PLCE1: variants seen among roughly 807,000 people sequenced by gnomAD.
PLCE1 encodes 1-phosphatidylinositol 4,5-bisphosphate phosphodiesterase epsilon-1.
In PLCE1, 119 loss-of-function variants were observed where a neutral mutation model predicts 242.8. The ratio of observed to expected loss-of-function variants is 0.49; its 90% CI spans 0.42 to 0.57. PLCE1 has a LOEUF of 0.57. PLCE1 is among the 20% of genes least tolerant of loss of function. The pLI is 0.00. For synonymous variants in PLCE1, 945 were observed against 1,017.4 expected (o/e 0.93, Z 1.35); for missense variants, 2,441 against 2,788.8 (o/e 0.88, Z 2.81).
intron 1 of PLCE1, among the ~76,000 whole-genome samples, chr10:93,995,847 A>G (rs2060809105): frequency 6.6e-6 from 1 of 152,178 alleles, no homozygotes; most frequent in Non-Finnish European, 1.5e-5. Context: ...TCCATACTCC[A>G]GTGGGTTAGA....
chr10:94,074,163 C>T (rs1349681164), intron 2 of PLCE1, among the ~76,000 whole-genome samples: 6 of 149,046 alleles, frequency 4.0e-5, no homozygotes, highest in Non-Finnish European at 8.9e-5. Flanking sequence ...AAATTTTTTT[C>T]ATAATGTATC....
intron 2 of PLCE1, among the ~76,000 whole-genome samples, chr10:94,069,538 G>A (rs1480471113): frequency 6.6e-6 from 1 of 152,138 alleles, no homozygotes; most frequent in Non-Finnish European, 1.5e-5. Flanking sequence ...ACTTGAACTT[G>A]GGAGGCAGAA....
At position 94,279,903 on chromosome 10, in the gene PLCE1, T is replaced by C. The variant is rs1319983314; in HGVS notation, c.4787T>C (p.Leu1596Pro). ...EDEYDYDYES[L>P]SDDNILEDRP... The stretch of plus-strand genomic sequence containing the variant: ...GAATATGATTATGACTATGAATCCC[T>C]TTCTGATGGTAAGAGAAACAGATCC... Residue 1596 changes from leucine to proline, a missense_variant, in exon 20 of 33, where the codon CTT becomes CCT. This residue lies in a region of PLCE1 where 1,004 missense variants were observed against 1,322.7 expected (regional missense o/e 0.76). Coordinates refer to ENST00000371380, the MANE Select transcript of PLCE1 (RefSeq NM_016341.4). 1 of 1,613,694 alleles carries C rather than the reference T, an allele frequency of 6.2e-7. No homozygotes were observed. The highest frequency in any genetic ancestry group is 8.5e-7 in the Non-Finnish European group (1 of 1,179,722).
At position 93,996,922 on chromosome 10, in the gene PLCE1, A is replaced by G. The variant is rs982208546; in HGVS notation, c.-365+2664A>G. ...ATCATCTCAGAAAATCCTTCCCTAG[A>G]GGATTGTTTCAAAGGGGTAATTCCT... On this transcript the variant is annotated intron_variant, in intron 1 of 32. Transcript: ENST00000371380. 5.3e-5 allele frequency among the ~76,000 whole-genome samples: 8 copies of G among 152,316 alleles called. No individual in the cohort carries two copies. The Middle Eastern group carries it at 0.01, about 194-fold the overall frequency.
At chr10:94,285,136 A>T (rs2052392598) in intron 22 of PLCE1, among the ~76,000 whole-genome samples, 171 bp downstream of exon 22, 1 of 152,236 alleles carries the variant, frequency 6.6e-6, no homozygotes, top group African/African-American at 2.4e-5. Context: ...CTTGATGCTC[A>T]TGAAGAAAAA....
At chr10:94,133,826 G>A (rs2046683049) in intron 3 of PLCE1, among the ~76,000 whole-genome samples, 1 of 152,102 alleles carries the variant, frequency 6.6e-6, no homozygotes, top group Admixed American at 6.6e-5. Context: ...GCTGGAAAAG[G>A]AACAAAACAT....
At chr10:94,049,173 A>G (rs1237739684) in intron 2 of PLCE1, among the ~76,000 whole-genome samples, 3 of 152,148 alleles carry the variant, frequency 2.0e-5, no homozygotes, top group African/African-American at 7.2e-5. Flanking sequence ...CAAAATTCTT[A>G]AATTTTATAG....
intron 4 of PLCE1, among the ~76,000 whole-genome samples, chr10:94,177,067 C>G (rs1403049635): frequency 2.0e-5 from 3 of 152,122 alleles, no homozygotes; most frequent in Admixed American, 2.0e-4. Flanking sequence ...CGCTTATGAG[C>G]TAGAAGTTTC....
chr10:94,007,699 C>CTTT (rs80098906), intron 1 of PLCE1, among the ~76,000 whole-genome samples: 1,140 of 64,068 alleles, frequency 0.018, 54 homozygotes, highest in African/African-American at 0.057. Context: ...AGCCTACTTT[C>CTTT]TTTTTTTTTT....
chr10:94,228,906 G>A lies in PLCE1; in HGVS notation c.1955+1455G>A, dbSNP rs113290359. Among the ~76,000 whole-genome samples, 1,260 of 152,300 alleles carry A rather than the reference G, an allele frequency of 8.3e-3. 24 individuals carry two copies. Among genetic ancestry groups the A allele is most frequent in the African/African-American group, 0.029 (1,202 of 41,560 alleles). On this transcript the variant is annotated intron_variant, in intron 5 of 32. Transcript: ENST00000371380. ...TCTATAAAGAAAACGTGTAGGCCGGGCACGGTGGCTCATGCCTGTAATCCC... is the reference window on the plus strand; with the variant it reads ...TCTATAAAGAAAACGTGTAGGCCGGACACGGTGGCTCATGCCTGTAATCCC...
intron 8 of PLCE1, 142 bp downstream of exon 8, chr10:94,246,763 G>T: frequency 1.4e-6 from 1 of 694,370 alleles, no homozygotes; most frequent in Non-Finnish European, 2.5e-6. Flanking sequence ...TTAACCTCTT[G>T]GTACCCCAAT....
intron 3 of PLCE1, among the ~76,000 whole-genome samples, chr10:94,153,520 T>G (rs1420493279): frequency 2.0e-5 from 3 of 152,108 alleles, no homozygotes; most frequent in African/African-American, 7.2e-5. Flanking sequence ...CCAAAAAAGA[T>G]GTACTGTCAG....
intron 4 of PLCE1, among the ~76,000 whole-genome samples, chr10:94,181,302 G>T (rs1387130815): frequency 6.6e-6 from 1 of 152,192 alleles, no homozygotes; most frequent in Admixed American, 6.5e-5. Flanking sequence ...GCCGGGTGCG[G>T]TGGCTCACGC....
chr10:94,166,238 A>G (rs1202322014), intron 3 of PLCE1, among the ~76,000 whole-genome samples: 2 of 152,164 alleles, frequency 1.3e-5, no homozygotes, highest in Non-Finnish European at 2.9e-5. Flanking sequence ...CAGTACATAT[A>G]CATTTACCTC....
intron 4 of PLCE1, among the ~76,000 whole-genome samples, chr10:94,192,766 A>T (rs1474560096): frequency 6.6e-6 from 1 of 152,236 alleles, no homozygotes; most frequent in African/African-American, 2.4e-5. Flanking sequence ...ACTACTTTTC[A>T]CAGTGGCTGA....
At chr10:94,015,917 C>T (rs2061270036) in intron 1 of PLCE1, among the ~76,000 whole-genome samples, 1 of 152,112 alleles carries the variant, frequency 6.6e-6, no homozygotes, top group African/African-American at 2.4e-5. Flanking sequence ...GTTTTATGGA[C>T]CATTTTTACT....
intron 14 of PLCE1, 67 bp from the exon 15 acceptor site, chr10:94,265,580 T>G: frequency 1.6e-6 from 2 of 1,266,584 alleles, no homozygotes; most frequent in Non-Finnish European, 2.3e-6. Context: ...AAAAATGATG[T>G]GGTGGTTTCT....
chr10:94,107,674 A>T (rs1382219253), intron 2 of PLCE1: 1 of 152,034 alleles, frequency 6.6e-6, no homozygotes, highest in Non-Finnish European at 1.5e-5. Context: ...TGGATTTCTA[A>T]TTGGAGTTAG....
chr10:94,273,807 G>T, intron 19 of PLCE1, 87 bp downstream of exon 19: 2 of 1,238,186 alleles, frequency 1.6e-6, no homozygotes, highest in Non-Finnish European at 2.4e-6. Context: ...CAGATGACCT[G>T]CTGGTTTACT....
Sources: allele counts gnomAD v4.1 joint callset (sites outside exome capture counted in the v4.1 genomes callset), GRCh38; gene constraint gnomAD v4.1.1; regional missense constraint gnomAD v4.1.1; transcripts MANE v1.5; gene names NCBI Gene and HGNC (gene_info 2026-07-23, HGNC 2026-07-21).